The following CSMD1 variants were observed in gnomAD, a reference collection of about 807,000 sequenced individuals.
CSMD1 encodes the protein CUB and Sushi multiple domains 1.
Under a neutral mutation model 417.5 loss-of-function variants are expected in CSMD1, and 213 were observed. The observed-to-expected ratio is 0.51, with a 90% CI of 0.46 to 0.57. The LOEUF is 0.57. CSMD1 is among the 20% of genes least tolerant of loss of function. The pLI is 0.00. For missense variants in CSMD1, 6,923 were observed against 4,529.7 expected (o/e 1.53, Z -15.17); for synonymous variants, 2,862 against 1,736.8 (o/e 1.65, Z -16.11).
At chr8:4,455,722 G>A (rs1286465390) in intron 2 of CSMD1, among the ~76,000 whole-genome samples, 1 of 151,720 alleles carries the variant, frequency 6.6e-6, no homozygotes, top group Non-Finnish European at 1.5e-5. Flanking sequence ...CCTGAGGTCA[G>A]GAGTTCAAGA....
intron 10 of CSMD1, among the ~76,000 whole-genome samples, chr8:3,544,340 C>A (rs1798567465): frequency 6.6e-6 from 1 of 152,084 alleles, no homozygotes; most frequent in South Asian, 2.1e-4. Flanking sequence ...GAAAATTAAT[C>A]CTTTATCACA....
intron 5 of CSMD1, among the ~76,000 whole-genome samples, chr8:3,987,111 C>T (rs1379712276): frequency 2.0e-5 from 3 of 152,152 alleles, no homozygotes; most frequent in East Asian, 3.9e-4. Context: ...TTTCTCCCAA[C>T]TTACTGGAAT....
chr8:4,906,771 G>C (rs1024034448), intron 1 of CSMD1, among the ~76,000 whole-genome samples: 2 of 152,122 alleles, frequency 1.3e-5, no homozygotes, highest in South Asian at 2.1e-4. Context: ...TGCTGGCCAG[G>C]TTGGTCTCCA....
chr8:3,787,323 G>C (rs1361606628), intron 5 of CSMD1, among the ~76,000 whole-genome samples: 3 of 152,122 alleles, frequency 2.0e-5, no homozygotes, highest in Non-Finnish European at 4.4e-5. Flanking sequence ...AAATTGGAAA[G>C]CTATAGAGAA....
intron 2 of CSMD1, among the ~76,000 whole-genome samples, chr8:4,566,721 CA>C (rs1279129189): frequency 7.3e-6 from 1 of 137,642 alleles, no homozygotes; most frequent in Non-Finnish European, 1.6e-5. Flanking sequence ...TATATACAAA[CA>C]GTTTCAAATA....
intron 3 of CSMD1, among the ~76,000 whole-genome samples, chr8:4,078,911 A>G (rs1178232750): frequency 6.7e-5 from 2 of 29,884 alleles, no homozygotes; most frequent in African/African-American, 1.5e-4. Flanking sequence ...ATATATATAT[A>G]TATATATATA....
chr8:4,498,769 A>C (rs1802105709), intron 2 of CSMD1, among the ~76,000 whole-genome samples: 1 of 152,170 alleles, frequency 6.6e-6, no homozygotes, highest in African/African-American at 2.4e-5. Flanking sequence ...ATTTTATAGA[A>C]GAGGATGTTG....
Position 4,717,339 on chromosome 8 carries a change from G to GTATATA in CSMD1, c.86-79787_86-79782dup, listed in dbSNP as rs1808731328. The stretch of plus-strand genomic sequence containing the variant: ...TATATATATATATACACACACACAC[G>GTATATA]TATATATACACACACATATATACAC... On this transcript the variant is annotated intron_variant, in intron 1 of 69. Coordinates refer to ENST00000635120, the MANE Select transcript of CSMD1 (RefSeq NM_033225.6). Among the ~76,000 whole-genome samples the GTATATA allele has an allele frequency of 6.2e-5, 4 of 64,086 alleles. No homozygotes were observed. In the African/African-American group the frequency reaches 6.3e-4, roughly 10 times the overall value. 42.0% of individuals were successfully genotyped at this position (64,086 alleles called of 152,430 possible). A position where few individuals can be genotyped will look rare whatever the true frequency, so the allele number is the denominator to read the frequency against.
chr8:4,012,350 T>A (rs1816609811), intron 4 of CSMD1, among the ~76,000 whole-genome samples: 1 of 152,182 alleles, frequency 6.6e-6, no homozygotes, highest in Admixed American at 6.5e-5. Context: ...CTTCACCTCT[T>A]CTCTTCCTAA....
intron 3 of CSMD1, among the ~76,000 whole-genome samples, chr8:4,170,534 C>T (rs763334417): frequency 1.2e-4 from 18 of 151,712 alleles, no homozygotes; most frequent in South Asian, 2.1e-4. Context: ...AGTCTATAGT[C>T]GGAGTATTGG....
intron 10 of CSMD1, 150 bp downstream of exon 10, chr8:3,574,795 T>C (rs1800079231): frequency 1.3e-6 from 1 of 784,396 alleles, no homozygotes; most frequent in Non-Finnish European, 2.0e-6. Context: ...GCAATGAATG[T>C]GGCATCTAGA....
intron 1 of CSMD1, among the ~76,000 whole-genome samples, chr8:4,796,949 C>T (rs1172455065): frequency 2.6e-5 from 4 of 152,162 alleles, no homozygotes; most frequent in African/African-American, 9.7e-5. Context: ...CAGGACAGAG[C>T]GGCCCTGATT....
intron 8 of CSMD1, among the ~76,000 whole-genome samples, chr8:3,598,822 C>A (rs1332617366): frequency 6.6e-6 from 1 of 152,132 alleles, no homozygotes; most frequent in Non-Finnish European, 1.5e-5. Context: ...GTGACTCACG[C>A]CTGAAATCCC....
chr8:3,438,874 G>C (rs1263414934), intron 12 of CSMD1, among the ~76,000 whole-genome samples: 1 of 151,768 alleles, frequency 6.6e-6, no homozygotes, highest in Non-Finnish European at 1.5e-5. Context: ...CCAGCACTTT[G>C]GGAGGCCAAG....
At chr8:4,722,465 G>C (rs1182269640) in intron 1 of CSMD1, among the ~76,000 whole-genome samples, 1 of 152,166 alleles carries the variant, frequency 6.6e-6, no homozygotes, top group Non-Finnish European at 1.5e-5. Flanking sequence ...TTGTACTGCA[G>C]TCTGAAGTCA....
chr8:3,699,036 T>C (rs1208534787), intron 7 of CSMD1, among the ~76,000 whole-genome samples: 1 of 152,208 alleles, frequency 6.6e-6, no homozygotes, highest in Admixed American at 6.5e-5. Context: ...CCTCAAGCTC[T>C]GGATCTAGCG....
chr8:4,079,927 A>G (rs1800037923), intron 3 of CSMD1, among the ~76,000 whole-genome samples: 1 of 151,784 alleles, frequency 6.6e-6, no homozygotes, highest in Non-Finnish European at 1.5e-5. Context: ...CCCTTTTCTC[A>G]GTGTCTTCTC....
At chr8:3,654,676 C>A (rs1049699856) in intron 7 of CSMD1, among the ~76,000 whole-genome samples, 6 of 152,196 alleles carry the variant, frequency 3.9e-5, no homozygotes, top group Non-Finnish European at 7.3e-5. Context: ...CTAAGTAAGA[C>A]TGGCTGAGAT....
chr8:4,072,411 T>C (rs1275811065), intron 3 of CSMD1, among the ~76,000 whole-genome samples: 2 of 152,206 alleles, frequency 1.3e-5, no homozygotes, highest in Non-Finnish European at 2.9e-5. Flanking sequence ...CCAAGCATTT[T>C]ACACCATTAT....
Sources: allele counts gnomAD v4.1 joint callset (sites outside exome capture counted in the v4.1 genomes callset), GRCh38; gene constraint gnomAD v4.1.1; transcripts MANE v1.5; gene names NCBI Gene and HGNC (gene_info 2026-07-23, HGNC 2026-07-21).